The following CFAP251 variants were observed in gnomAD, a reference collection of about 807,000 sequenced individuals.
CFAP251 encodes cilia and flagella associated protein 251.
Under a neutral mutation model 126.7 loss-of-function variants are expected in CFAP251, and 93 were observed. That is an observed-to-expected ratio of 0.73 (90% CI 0.62 to 0.87). The LOEUF is 0.87. CFAP251 is among the 40% of genes least tolerant of loss of function. The probability of loss-of-function intolerance (pLI) is 0.00; values close to 1 mark genes in which losing one functional copy is unlikely to be tolerated. For missense variants in CFAP251, 1,287 were observed against 1,389.2 expected, an observed-to-expected ratio of 0.93 and a Z score of 1.17; for synonymous variants, 503 against 506.9, an observed-to-expected ratio of 0.99 and a Z score of 0.10.
At chr12:121,992,552 A>G in intron 19 of CFAP251, 1 of 866,472 alleles carries the variant, frequency 1.2e-6, no homozygotes, top group South Asian at 5.3e-5. Flanking sequence ...TAATTTATAT[A>G]TATTTATATA....
chr12:121,951,706 G>A (rs190674227), intron 9 of CFAP251, among the ~76,000 whole-genome samples, 176 bp downstream of exon 9: 157 of 152,202 alleles, frequency 1.0e-3, no homozygotes, highest in Admixed American at 2.3e-3. Flanking sequence ...TGAAAATCAT[G>A]TAAGTATTGT....
intron 3 of CFAP251, among the ~76,000 whole-genome samples, chr12:121,927,123 A>T (rs1880449940): frequency 6.6e-6 from 1 of 151,316 alleles, no homozygotes; most frequent in Non-Finnish European, 1.5e-5. Flanking sequence ...CTGTGCATGT[A>T]CAACATGTTA....
At chr12:121,994,257 C>T (rs1882970279) in intron 19 of CFAP251, among the ~76,000 whole-genome samples, 1 of 60,952 alleles carries the variant, frequency 1.6e-5, no homozygotes, top group East Asian at 4.5e-4. Context: ...TCTGCCCGGC[C>T]AGCCGCCCCG....
At chr12:121,949,376 G>A (rs546104550) in intron 8 of CFAP251, 21 of 162,360 alleles carry the variant, frequency 1.3e-4, no homozygotes, top group Non-Finnish European at 2.4e-4. Context: ...ATGTTGCCCA[G>A]GCTGGCCTCA....
intron 19 of CFAP251, chr12:121,998,411 A>T (rs1438456595): frequency 7.8e-6 from 1 of 128,714 alleles, no homozygotes; most frequent in Non-Finnish European, 1.6e-5. Flanking sequence ...GTTGTTTACC[A>T]GTTCTAATAG....
intron 19 of CFAP251, chr12:121,998,485 ATAT>A (rs1484333278): frequency 4.7e-4 from 37 of 78,664 alleles, no homozygotes; most frequent in African/African-American, 1.8e-3. Context: ...ATATATATAT[ATAT>A]GATTGTGTTA....
At chr12:121,973,166 C>T (rs937214934) in intron 17 of CFAP251, among the ~76,000 whole-genome samples, 2 of 152,218 alleles carry the variant, frequency 1.3e-5, no homozygotes, top group African/African-American at 4.8e-5. Context: ...CCACTCCAGT[C>T]ATGGCTGAAA....
chr12:121,964,095 A>T (rs555175996), intron 15 of CFAP251, among the ~76,000 whole-genome samples: 4 of 152,196 alleles, frequency 2.6e-5, no homozygotes, highest in African/African-American at 4.8e-5. Context: ...CATGGTTTTG[A>T]AATGTATCTC....
chr12:121,945,373 T>G (rs1032061729), intron 7 of CFAP251, among the ~76,000 whole-genome samples: 2 of 151,984 alleles, frequency 1.3e-5, no homozygotes, highest in African/African-American at 4.8e-5. Context: ...AGATGGAGTC[T>G]CATTCTGTTG....
At position 121,958,820 on chromosome 12, in the gene CFAP251, C is replaced by G. The variant is rs138988299; in HGVS notation, c.1982-123C>G. On this transcript the variant is annotated intron_variant, in intron 12 of 21. Transcript: ENST00000288912. The stretch of plus-strand genomic sequence containing the variant: ...GATCACGCGTTTCGGTTCATTTCTC[C>G]GCACGGGAGCTTTGTTGTGTTAGTT... 1.4e-4 allele frequency: 179 copies of G among 1,239,424 alleles called. No homozygotes were observed. In the African/African-American group the frequency reaches 2.4e-3, roughly 17 times the overall value. 76.8% of individuals were successfully genotyped at this position (1,239,424 alleles called of 1,614,324 possible).
intron 19 of CFAP251, among the ~76,000 whole-genome samples, chr12:121,981,965 C>T (rs1333860598): frequency 6.6e-6 from 1 of 152,160 alleles, no homozygotes; most frequent in Non-Finnish European, 1.5e-5. Context: ...TCGTACAGTA[C>T]ACGGCACACG....
chr12:121,942,573 G>C lies in CFAP251; in HGVS notation c.1038G>C (p.Gly346=). The C allele has an allele frequency of 1.2e-6, 2 of 1,613,858 alleles. No homozygotes were observed. Among genetic ancestry groups the C allele is most frequent in the Non-Finnish European group, 1.7e-6 (2 of 1,179,982 alleles). The change falls in exon 6 of 22, where the codon GGG becomes GGC. Residue 346 remains glycine, a synonymous_variant. Coordinates refer to ENST00000288912, the MANE Select transcript of CFAP251 (RefSeq NM_144668.6). ...VHTIFDSCPE[G]NGIMAMAMTH... ...CAATATTTGACAGCTGCCCTGAAGGGAATGGCATCATGGCCATGGCCATGA... is the reference window on the plus strand; with the variant it reads ...CAATATTTGACAGCTGCCCTGAAGGCAATGGCATCATGGCCATGGCCATGA...
chr12:121,948,753 T>C (rs1881414447), intron 7 of CFAP251: 1 of 318,842 alleles, frequency 3.1e-6, no homozygotes. Flanking sequence ...TTCTAATTTA[T>C]AGATGATGAA....
At chr12:121,980,769 G>A (rs960178698) in intron 19 of CFAP251, among the ~76,000 whole-genome samples, 1 of 152,172 alleles carries the variant, frequency 6.6e-6, no homozygotes, top group African/African-American at 2.4e-5. Context: ...TTAGTCCAAC[G>A]TTTAACCAAA....
At chr12:121,980,858 G>A (rs1882603480) in intron 19 of CFAP251, among the ~76,000 whole-genome samples, 1 of 152,210 alleles carries the variant, frequency 6.6e-6, no homozygotes, top group Admixed American at 6.5e-5. Context: ...ACATCTTGGT[G>A]CAAACTAGCT....
In CFAP251 at chr12:121,954,151, A is replaced by G; in HGVS notation, c.1352A>G (p.Gln451Arg). 1 of 1,614,156 alleles carries G rather than the reference A, an allele frequency of 6.2e-7. No individual in the cohort carries two copies. Among genetic ancestry groups the G allele is most frequent in the South Asian group, 1.1e-5 (1 of 91,076 alleles). Residue 451 changes from glutamine to arginine, a missense_variant, in exon 10 of 22, where the codon CAG becomes CGG. Physicochemically the swap from Gln to Arg is conservative, Grantham distance 43. Coordinates refer to ENST00000288912, the MANE Select transcript of CFAP251 (RefSeq NM_144668.6). ...TFNKLVGKFSQSIFHLNLTQI... is the reference protein window; with the variant it reads ...TFNKLVGKFSRSIFHLNLTQI... ...AACAAGCTTGTGGGAAAGTTTAGCC[A>G]GTCCATCTTTCACTTGAATTTAACA...
At chr12:121,967,600 G>T (rs1447270383) in intron 16 of CFAP251, among the ~76,000 whole-genome samples, 2 of 152,176 alleles carry the variant, frequency 1.3e-5, no homozygotes, top group Non-Finnish European at 2.9e-5. Context: ...TACTCAGGAG[G>T]CTGAGGCAGG....
Position 121,931,849 on chromosome 12 carries a change from T to C in CFAP251, c.851T>C (p.Ile284Thr), listed in dbSNP as rs1452752195. Residue 284 changes from isoleucine to threonine, a missense_variant, in exon 4 of 22, where the codon ATC (isoleucine) becomes ACC (threonine). Coordinates refer to ENST00000288912, the MANE Select transcript of CFAP251 (RefSeq NM_144668.6). ...LLYVCAHTAI[I>T]YNVFRNNQYH... The stretch of plus-strand genomic sequence containing the variant: ...TATGTTTGTGCTCACACTGCGATCA[T>C]CTACAACGTGTTCAGGAACAATCAA... The C allele has an allele frequency of 1.2e-5, 20 of 1,601,060 alleles. No individual in the cohort carries two copies. The highest frequency in any genetic ancestry group is 1.6e-5 in the Non-Finnish European group (19 of 1,174,650).
At chr12:121,937,052 G>A (rs185091158) in intron 5 of CFAP251, among the ~76,000 whole-genome samples, 8 of 152,316 alleles carry the variant, frequency 5.3e-5, no homozygotes, top group Admixed American at 2.0e-4. Flanking sequence ...TGTGAAAAAA[G>A]AATAATGACA....
Sources: allele counts gnomAD v4.1 joint callset (sites outside exome capture counted in the v4.1 genomes callset), GRCh38; gene constraint gnomAD v4.1.1; transcripts MANE v1.5; gene names NCBI Gene and HGNC (gene_info 2026-07-23, HGNC 2026-07-21).